The following ITPR1 variants were observed in gnomAD, a reference collection of about 807,000 sequenced individuals.
The protein encoded by ITPR1 is inositol 1,4,5-trisphosphate receptor type 1, also known as inositol 1,4,5-trisphosphate-gated calcium channel ITPR1.
In ITPR1, 96 loss-of-function variants were observed where a neutral mutation model predicts 318.4. The observed-to-expected ratio is 0.30, with a 90% CI of 0.26 to 0.36. ITPR1 has a LOEUF of 0.36. ITPR1 is among the 10% of genes least tolerant of loss of function. The probability of loss-of-function intolerance (pLI) is 1.00; values close to 1 mark genes in which losing one functional copy is unlikely to be tolerated. For synonymous variants in ITPR1, 1,312 were observed against 1,289.9 expected, an observed-to-expected ratio of 1.02 and a Z score of -0.37; for missense variants, 2,440 against 3,460.2, an observed-to-expected ratio of 0.71 and a Z score of 7.40.
chr3:4,840,438 C>T (rs1453402164), intron 61 of ITPR1, among the ~76,000 whole-genome samples: 2 of 152,064 alleles, frequency 1.3e-5, no homozygotes, highest in African/African-American at 4.8e-5. Context: ...ACAAAAATTG[C>T]TCCATTACTT....
chr3:4,830,255 C>T (rs532076769), intron 60 of ITPR1, among the ~76,000 whole-genome samples: 7 of 152,144 alleles, frequency 4.6e-5, no homozygotes, highest in Admixed American at 6.5e-5. Context: ...GGATTACAGG[C>T]GTGAGCCACC....
At chr3:4,788,976 A>G (rs979370661) in intron 52 of ITPR1, among the ~76,000 whole-genome samples, 3 of 152,144 alleles carry the variant, frequency 2.0e-5, no homozygotes, top group Non-Finnish European at 4.4e-5. Flanking sequence ...CTTCTCCGTG[A>G]TGCTGCCAAT....
intron 3 of ITPR1, among the ~76,000 whole-genome samples, chr3:4,520,798 C>T (rs1053479267): frequency 5.9e-5 from 9 of 152,184 alleles, no homozygotes; most frequent in African/African-American, 1.9e-4. Flanking sequence ...GGAAAGGAGC[C>T]ACAGAAAACA....
chr3:4,843,911 G>C (rs566857770), intron 61 of ITPR1, among the ~76,000 whole-genome samples: 88 of 152,260 alleles, frequency 5.8e-4, no homozygotes, highest in African/African-American at 1.9e-3. Context: ...CTGACAAATT[G>C]AAAAGTCAAG....
intron 2 of ITPR1, among the ~76,000 whole-genome samples, chr3:4,502,886 A>G (rs527708421): frequency 6.6e-6 from 1 of 152,104 alleles, no homozygotes; most frequent in East Asian, 2.0e-4. Flanking sequence ...GTTTGAGACC[A>G]GCCTGGCCAA....
intron 19 of ITPR1, among the ~76,000 whole-genome samples, chr3:4,670,072 C>A: frequency 6.6e-6 from 1 of 152,092 alleles, no homozygotes; most frequent in East Asian, 1.9e-4. Context: ...TAAGTGTGAC[C>A]ATCAATTTAA....
At chr3:4,719,149 T>A (rs1228658331) in intron 40 of ITPR1, among the ~76,000 whole-genome samples, 1 of 152,186 alleles carries the variant, frequency 6.6e-6, no homozygotes, top group Non-Finnish European at 1.5e-5. Flanking sequence ...TTGGAGCAGG[T>A]GTGTTTGTAA....
In ITPR1 at chr3:4,847,137, TTTC is replaced by T. The variant is rs1252098070; in HGVS notation, c.*916_*918del. On this transcript the variant is annotated 3_prime_UTR_variant, in exon 62 of 62. Coordinates refer to ENST00000649015, the MANE Select transcript of ITPR1 (RefSeq NM_001378452.1). ...CTAGTCCAAACAATAGAGTTTATTT[TTTC>T]TTCATCTGAACCAACATGCTACAGT... 1 of 152,650 alleles carries T rather than the reference TTTC, an allele frequency of 6.6e-6. No individual in the cohort carries two copies. Among genetic ancestry groups the T allele is most frequent in the Non-Finnish European group, 1.5e-5 (1 of 68,022 alleles). 9.5% of individuals were successfully genotyped at this position (152,650 alleles called of 1,614,324 possible). A position where few individuals can be genotyped will look rare whatever the true frequency, so the allele number is the denominator to read the frequency against.
intron 60 of ITPR1, among the ~76,000 whole-genome samples, chr3:4,829,954 G>GTT (rs35099159): frequency 0.011 from 293 of 27,014 alleles, 15 homozygotes; most frequent in African/African-American, 0.018. Flanking sequence ...ATGTATAACA[G>GTT]TTTTTTTTTT....
chr3:4,721,625 A>G (rs1173812997), intron 40 of ITPR1, among the ~76,000 whole-genome samples: 2 of 152,162 alleles, frequency 1.3e-5, no homozygotes, highest in Non-Finnish European at 1.5e-5. Flanking sequence ...GCGGCTGGAG[A>G]TACAAATTGT....
In ITPR1 at chr3:4,683,537, C is replaced by T. The variant is rs1161533366; in HGVS notation, c.3313C>T (p.Gln1105Ter). The change falls in exon 27 of 62, where the codon CAG becomes TAG. Residue 1105 changes from glutamine (Q) to a stop codon, truncating the protein, a stop_gained. Transcript: ENST00000649015. LOFTEE classifies it high-confidence loss of function. Reference sequence around the variant, plus strand: ...CTTCAGCCAGAGGCAGGAGGTGCTCCAGGCCTTCAAACAGGTAGCTCAGGT... The same window carrying T: ...CTTCAGCCAGAGGCAGGAGGTGCTCTAGGCCTTCAAACAGGTAGCTCAGGT... ...RHFSQRQEVL[Q>*]AFKQVQLLVT... The T allele has an allele frequency of 6.2e-7, 1 of 1,613,816 alleles. No individual in the cohort carries two copies. The highest frequency in any genetic ancestry group is 1.3e-5 in the African/African-American group (1 of 74,950).
At chr3:4,620,005 A>T (rs2092565094) in intron 4 of ITPR1, among the ~76,000 whole-genome samples, 2 of 151,566 alleles carry the variant, frequency 1.3e-5, no homozygotes, top group Admixed American at 1.3e-4. Context: ...ACTTTTGGTT[A>T]TTATTTCCAG....
At chr3:4,571,597 G>T (rs541305052) in intron 4 of ITPR1, among the ~76,000 whole-genome samples, 2 of 152,244 alleles carry the variant, frequency 1.3e-5, no homozygotes, top group Admixed American at 1.3e-4. Flanking sequence ...GCCTCCTAAA[G>T]TGCTGGGATT....
intron 2 of ITPR1, among the ~76,000 whole-genome samples, chr3:4,496,810 G>A (rs1021909291): frequency 6.6e-6 from 1 of 152,140 alleles, no homozygotes; most frequent in African/African-American, 2.4e-5. Flanking sequence ...CATGGAAACT[G>A]TCTGATTTCT....
At chr3:4,807,588 C>A (rs181377862) in intron 55 of ITPR1, among the ~76,000 whole-genome samples, 1 of 152,138 alleles carries the variant, frequency 6.6e-6, no homozygotes, top group Non-Finnish European at 1.5e-5. Flanking sequence ...TTCCTTCCCC[C>A]GTCCAAAACA....
At chr3:4,625,076 T>C (rs994093563) in intron 4 of ITPR1, among the ~76,000 whole-genome samples, 12 of 152,220 alleles carry the variant, frequency 7.9e-5, no homozygotes, top group African/African-American at 2.9e-4. Context: ...GTAGAAATTA[T>C]TCAGTAGATG....
intron 60 of ITPR1, among the ~76,000 whole-genome samples, chr3:4,829,231 C>T (rs779129925): frequency 2.0e-5 from 3 of 152,210 alleles, no homozygotes; most frequent in African/African-American, 7.2e-5. Flanking sequence ...GTCCTGTATA[C>T]ACACAACTGA....
rs576384232 is a variant in ITPR1 at position 4,589,134 on chromosome 3, G to A, written c.164-38629G>A. Among the ~76,000 whole-genome samples the A allele has an allele frequency of 2.6e-5, 4 of 152,178 alleles. No homozygotes were observed. In the East Asian group the frequency reaches 5.8e-4, roughly 22 times the overall value. On this transcript the variant is annotated intron_variant, in intron 4 of 61. Coordinates refer to ENST00000649015, the MANE Select transcript of ITPR1 (RefSeq NM_001378452.1). The stretch of plus-strand genomic sequence containing the variant: ...GCTCAGGAGTTTGAGATCAGCCTGG[G>A]CAACATAGTGAAATGCTGTCTCATT...
chr3:4,530,024 A>T (rs2083286168), intron 4 of ITPR1, among the ~76,000 whole-genome samples: 1 of 152,208 alleles, frequency 6.6e-6, no homozygotes, highest in Non-Finnish European at 1.5e-5. Context: ...AACTGCCTTT[A>T]GAAGTGGACT....
Sources: allele counts gnomAD v4.1 joint callset (sites outside exome capture counted in the v4.1 genomes callset), GRCh38; gene constraint gnomAD v4.1.1; transcripts MANE v1.5; gene names NCBI Gene and HGNC (gene_info 2026-07-23, HGNC 2026-07-21).